GLI3: variants seen among roughly 807,000 people sequenced by gnomAD.
GLI3 encodes GLI family zinc finger 3.
Under a neutral mutation model 100.8 loss-of-function variants are expected in GLI3, and 20 were observed. The ratio of observed to expected loss-of-function variants is 0.20; its 90% CI spans 0.14 to 0.29. GLI3 has a LOEUF of 0.29. Among genes scored for constraint, GLI3 ranks in the 10% least tolerant of loss-of-function variants. The pLI, the probability that GLI3 is intolerant of heterozygous loss-of-function variation, is 1.00. For synonymous variants in GLI3, 938 were observed against 860.5 expected, an observed-to-expected ratio of 1.09 and a Z score of -1.58; for missense variants, 2,040 against 2,128.5, an observed-to-expected ratio of 0.96 and a Z score of 0.82.
At chr7:42,170,058 T>C (rs1380592267) in intron 2 of GLI3, among the ~76,000 whole-genome samples, 2 of 151,546 alleles carry the variant, frequency 1.3e-5, no homozygotes, top group Non-Finnish European at 2.9e-5. Context: ...AAGACCAGCC[T>C]GGCCAGCATG....
At chr7:42,139,317 G>C (rs1174898449) in intron 3 of GLI3, among the ~76,000 whole-genome samples, 2 of 152,104 alleles carry the variant, frequency 1.3e-5, no homozygotes, top group Non-Finnish European at 2.9e-5. Flanking sequence ...GGTGATTGGG[G>C]TTACCTATTA....
Position 42,040,248 on chromosome 7 carries a change from T to C in GLI3, c.827-9A>G, listed in dbSNP as rs1214265179. 4 of 1,607,632 alleles carry C rather than the reference T, an allele frequency of 2.5e-6. No homozygotes were observed. The highest frequency in any genetic ancestry group is 2.2e-5 in the East Asian group (1 of 44,810). The stretch of plus-strand genomic sequence containing the variant: ...GCTGGAGAATCTGGTGCCTGTTATA[T>C]AAACAAAAAAGAACCTAATTACCTG... On this transcript the variant is annotated splice_polypyrimidine_tract_variant and intron_variant, in intron 6 of 14. Coordinates refer to ENST00000395925, the MANE Select transcript of GLI3 (RefSeq NM_000168.6).
intron 2 of GLI3, among the ~76,000 whole-genome samples, chr7:42,202,550 A>G (rs1788068636): frequency 6.6e-6 from 1 of 152,198 alleles, no homozygotes; most frequent in Admixed American, 6.5e-5. Context: ...TAGCATCACT[A>G]AGAACGAAGG....
chr7:42,193,555 G>A (rs1231632389), intron 2 of GLI3, among the ~76,000 whole-genome samples: 2 of 152,164 alleles, frequency 1.3e-5, no homozygotes, highest in African/African-American at 4.8e-5. Flanking sequence ...TTTGTTCTCA[G>A]GTGGGACGTT....
rs1439250146 is a variant in GLI3, at chr7:42,148,257, G to A, written c.336C>T (p.Asp112=). 2 of 1,612,544 alleles carry A rather than the reference G, an allele frequency of 1.2e-6. No individual in the cohort carries two copies. The highest frequency in any genetic ancestry group is 2.2e-5 in the East Asian group (1 of 44,832). ...VPYRGTVFAM[D]PRNGYMEPHY... ...GGGGCTCCATGTAACCATTCCTGGG[G>A]TCCATGGCAAACACCGTCCCGCGGT... Residue 112 remains aspartate, a synonymous_variant, in exon 3 of 15, where the codon GAC becomes GAT. Transcript: ENST00000395925.
intron 2 of GLI3, among the ~76,000 whole-genome samples, chr7:42,216,606 C>G (rs1788383336): frequency 6.6e-6 from 1 of 152,124 alleles, no homozygotes; most frequent in African/African-American, 2.4e-5. Flanking sequence ...CTCTCTGTGT[C>G]TTCTGCTCAA....
At position 41,971,144 on chromosome 7, in the gene GLI3, G is replaced by T. The variant is rs565252337; in HGVS notation, c.2103+1193C>A. On this transcript the variant is annotated intron_variant, in intron 13 of 14. Transcript: ENST00000395925. ...AGTCATTAAAACATAGCTTCTCACC[G>T]TCTCAATGGTAAGATTGTGCATTAT... Among the ~76,000 whole-genome samples, 88 of 152,270 alleles carry T rather than the reference G, an allele frequency of 5.8e-4. 1 individual carries two copies. Among genetic ancestry groups the T allele is most frequent in the African/African-American group, 2.0e-3 (84 of 41,558 alleles).
intron 3 of GLI3, among the ~76,000 whole-genome samples, chr7:42,098,458 G>C (rs1261268648): frequency 6.6e-6 from 1 of 152,062 alleles, no homozygotes; most frequent in Non-Finnish European, 1.5e-5. Flanking sequence ...TCTGTTTCAT[G>C]GGGCTCCTAT....
chr7:42,020,922 T>C (rs941327424), intron 10 of GLI3, among the ~76,000 whole-genome samples: 1 of 146,762 alleles, frequency 6.8e-6, no homozygotes, highest in Non-Finnish European at 1.5e-5. Context: ...AAAAAAAAAG[T>C]AGTTTTTGCA....
intron 3 of GLI3, among the ~76,000 whole-genome samples, chr7:42,119,812 T>C (rs1785950970): frequency 1.3e-5 from 2 of 152,178 alleles, no homozygotes; most frequent in African/African-American, 4.8e-5. Context: ...ATAATTTGAC[T>C]AGAAGCAAGG....
intron 2 of GLI3, among the ~76,000 whole-genome samples, chr7:42,219,967 C>T (rs1318945942): frequency 6.6e-6 from 1 of 151,800 alleles, no homozygotes; most frequent in East Asian, 1.9e-4. Context: ...CATTCTCCTG[C>T]CTCAGCCTCC....
intron 2 of GLI3, among the ~76,000 whole-genome samples, chr7:42,173,116 G>A (rs185912870): frequency 3.3e-5 from 5 of 152,274 alleles, no homozygotes; most frequent in African/African-American, 1.2e-4. Flanking sequence ...TTCTCCCACA[G>A]GTAGATGTAC....
chr7:42,045,115 C>T (rs911316199), intron 6 of GLI3, among the ~76,000 whole-genome samples: 1 of 152,000 alleles, frequency 6.6e-6, no homozygotes, highest in African/African-American at 2.4e-5. Context: ...TTTTTTTAAC[C>T]AGCTAATATT....
intron 1 of GLI3, among the ~76,000 whole-genome samples, chr7:42,260,479 A>T (rs1322473689): frequency 1.3e-5 from 2 of 152,252 alleles, no homozygotes; most frequent in South Asian, 2.1e-4. Context: ...ATGTGTGTGT[A>T]TAAGTATATA....
intron 1 of GLI3, among the ~76,000 whole-genome samples, chr7:42,245,365 G>A (rs1005099650): frequency 5.9e-5 from 9 of 152,140 alleles, no homozygotes; most frequent in African/African-American, 2.2e-4. Context: ...ACCATTCCTA[G>A]CTGCAGTTTC....
At chr7:42,046,982 G>C (rs1014860969) in intron 5 of GLI3, among the ~76,000 whole-genome samples, 3 of 151,988 alleles carry the variant, frequency 2.0e-5, no homozygotes, top group Admixed American at 2.0e-4. Flanking sequence ...ATGGCGAAAC[G>C]CTGTCTCTAC....
At chr7:42,021,732 C>A (rs1287097516) in intron 10 of GLI3, among the ~76,000 whole-genome samples, 2 of 152,206 alleles carry the variant, frequency 1.3e-5, no homozygotes, top group Non-Finnish European at 2.9e-5. Context: ...TCCTCCAAAA[C>A]GGCACCATGA....
intron 3 of GLI3, among the ~76,000 whole-genome samples, chr7:42,129,471 T>G (rs1017667282): frequency 6.6e-6 from 1 of 152,224 alleles, no homozygotes; most frequent in Non-Finnish European, 1.5e-5. Context: ...GCCTGAAATA[T>G]TCTTCAAGAG....
intron 2 of GLI3, chr7:42,172,535 G>A (rs1192740298): frequency 1.4e-6 from 1 of 702,896 alleles, no homozygotes; most frequent in Non-Finnish European, 2.6e-6. Context: ...TAAATGTATG[G>A]GTTTGTACGC....
Sources: gnomAD v4.1 joint callset for allele counts (sites outside exome capture counted in the v4.1 genomes callset) on GRCh38, gnomAD v4.1.1 for gene constraint, MANE v1.5 for transcripts, NCBI Gene and HGNC (gene_info 2026-07-23, HGNC 2026-07-21) for gene names.